The following PPP6C variants were observed in gnomAD, a reference collection of about 807,000 sequenced individuals.
The protein encoded by PPP6C is protein phosphatase 6 catalytic subunit, also known as serine/threonine-protein phosphatase 6 catalytic subunit.
In PPP6C, 11 loss-of-function variants were observed where a neutral mutation model predicts 39.8. That is an observed-to-expected ratio of 0.28 (90% CI 0.17 to 0.46). The LOEUF is 0.46. Among genes scored for constraint, PPP6C ranks in the 20% least tolerant of loss-of-function variants. PPP6C has a pLI of 1.00. For synonymous variants in PPP6C, 129 were observed against 130.3 expected (o/e 0.99, Z 0.07); for missense variants, 211 against 373.9 (o/e 0.56, Z 3.59).
intron 1 of PPP6C, among the ~76,000 whole-genome samples, chr9:125,173,493 G>T (rs1032314187): frequency 6.6e-6 from 1 of 150,518 alleles, no homozygotes; most frequent in African/African-American, 2.4e-5. Flanking sequence ...CAAGAGAATC[G>T]CTTGAACCCA....
chr9:125,167,208 C>T (rs1490759105), intron 2 of PPP6C, among the ~76,000 whole-genome samples: 1 of 151,040 alleles, frequency 6.6e-6, no homozygotes, highest in African/African-American at 2.4e-5. Flanking sequence ...GGGCAAAATC[C>T]CATCCCTACT....
chr9:125,188,417 C>T (rs994577659), intron 1 of PPP6C, among the ~76,000 whole-genome samples: 3 of 151,734 alleles, frequency 2.0e-5, no homozygotes, highest in African/African-American at 7.3e-5. Flanking sequence ...CGGTTAAATA[C>T]TAGCACGAGC....
intron 6 of PPP6C, chr9:125,150,706 C>T: frequency 2.3e-6 from 2 of 866,700 alleles, no homozygotes; most frequent in Admixed American, 1.9e-5. Flanking sequence ...CAGAAAACTG[C>T]CGATCGCCTG....
intron 6 of PPP6C, among the ~76,000 whole-genome samples, chr9:125,150,251 T>C (rs188607524): frequency 2.6e-4 from 39 of 152,348 alleles, no homozygotes; most frequent in African/African-American, 8.9e-4. Context: ...ACTGAAGGTT[T>C]AGTATATGTA....
At chr9:125,171,470 CACACACACATAT>C (rs1301513079) in intron 1 of PPP6C, among the ~76,000 whole-genome samples, 29 of 24,696 alleles carry the variant, frequency 1.2e-3, no homozygotes, top group African/African-American at 3.8e-3. Flanking sequence ...TACACACACA[CACACACACATAT>C]ATATATATAT....
intron 1 of PPP6C, among the ~76,000 whole-genome samples, chr9:125,174,727 T>C (rs56331343): frequency 6.6e-6 from 1 of 151,570 alleles, no homozygotes. Flanking sequence ...CTAGCCAACA[T>C]AGCAAAACCC....
intron 3 of PPP6C, among the ~76,000 whole-genome samples, chr9:125,159,333 G>A (rs183746609): frequency 1.3e-5 from 2 of 151,110 alleles, no homozygotes; most frequent in African/African-American, 4.9e-5. Context: ...ACAGGCGTGA[G>A]CCACTGCGCC....
intron 1 of PPP6C, among the ~76,000 whole-genome samples, chr9:125,185,132 C>T (rs2131345015): frequency 6.6e-6 from 1 of 152,106 alleles, no homozygotes; most frequent in Middle Eastern, 3.4e-3. Context: ...TCCATTTAGC[C>T]AGGTATGGAA....
intron 1 of PPP6C, among the ~76,000 whole-genome samples, chr9:125,177,346 C>G (rs1439585168): frequency 6.6e-6 from 1 of 151,404 alleles, no homozygotes; most frequent in African/African-American, 2.4e-5. Context: ...TGCACTCCAG[C>G]CTGGGGTGAC....
chr9:125,188,566 A>G (rs368357866), intron 1 of PPP6C, among the ~76,000 whole-genome samples: 1 of 151,974 alleles, frequency 6.6e-6, no homozygotes. Flanking sequence ...CGGGCGGATC[A>G]CTTGAGGTCA....
At chr9:125,176,102 AG>A (rs1376367719) in intron 1 of PPP6C, among the ~76,000 whole-genome samples, 1 of 152,150 alleles carries the variant, frequency 6.6e-6, no homozygotes, top group East Asian at 1.9e-4. Context: ...ACTCTAAAGG[AG>A]GTAAGGCTAT....
intron 5 of PPP6C, 40 bp downstream of exon 5, chr9:125,153,866 T>C (rs1424579849): frequency 6.5e-7 from 1 of 1,546,730 alleles, no homozygotes; most frequent in Non-Finnish European, 8.9e-7. Context: ...AATGTGTTAT[T>C]GGCAGGAACG....
At chr9:125,180,793 A>T (rs1829404981) in intron 1 of PPP6C, among the ~76,000 whole-genome samples, 1 of 152,116 alleles carries the variant, frequency 6.6e-6, no homozygotes, top group Admixed American at 6.6e-5. Flanking sequence ...AGGCCTCCTA[A>T]ACTTGAAGTC....
At chr9:125,160,563 C>T (rs1019779327) in intron 3 of PPP6C, among the ~76,000 whole-genome samples, 1 of 152,140 alleles carries the variant, frequency 6.6e-6, no homozygotes, top group African/African-American at 2.4e-5. Context: ...CTTTGCCTGC[C>T]GCCATCCACA....
chr9:125,155,855 AGATCGCAC>A (rs1013840957), intron 4 of PPP6C, among the ~76,000 whole-genome samples: 1 of 151,286 alleles, frequency 6.6e-6, no homozygotes, highest in African/African-American at 2.4e-5. Flanking sequence ...CAGTGAGCGA[AGATCGCAC>A]CACTGCACTC....
At chr9:125,159,867 C>G (rs924034965) in intron 3 of PPP6C, among the ~76,000 whole-genome samples, 2 of 152,010 alleles carry the variant, frequency 1.3e-5, no homozygotes, top group Non-Finnish European at 2.9e-5. Context: ...ACTAAAAATA[C>G]AAAAATTAGC....
chr9:125,149,596 T>A lies in PPP6C; in HGVS notation c.*77A>T, dbSNP rs527353206. ...CAGCAGCAAAGTGCTCAATAAAAAG[T>A]ATATTGTAGAGGGTAATACAAGAAA... On this transcript the variant is annotated 3_prime_UTR_variant, in exon 7 of 7. Coordinates refer to ENST00000373547, the MANE Select transcript of PPP6C (RefSeq NM_002721.5). The A allele has an allele frequency of 1.4e-6, 2 of 1,459,982 alleles. No individual in the cohort carries two copies. The highest frequency in any genetic ancestry group is 4.6e-5 in the East Asian group (2 of 43,318). 90.4% of individuals were successfully genotyped at this position (1,459,982 alleles called of 1,614,324 possible). A position where few individuals can be genotyped will look rare whatever the true frequency, so the allele number is the denominator to read the frequency against.
At position 125,177,736 on chromosome 9, in the gene PPP6C, A is replaced by G. The variant is rs138722371; in HGVS notation, c.76-6556T>C. Among the ~76,000 whole-genome samples, 65 of 152,244 alleles carry G rather than the reference A, an allele frequency of 4.3e-4. No individual in the cohort carries two copies. In the East Asian group the frequency reaches 6.2e-3, roughly 14 times the overall value. Reference sequence around the variant, plus strand: ...TAGGGTCACTCCTACTGCACATTCTATAAGTTTTGACAATTGTATAATGAC... The same window carrying G: ...TAGGGTCACTCCTACTGCACATTCTGTAAGTTTTGACAATTGTATAATGAC... On this transcript the variant is annotated intron_variant, in intron 1 of 6. Transcript: ENST00000373547.
intron 2 of PPP6C, among the ~76,000 whole-genome samples, chr9:125,165,576 C>T (rs1426995333): frequency 6.6e-6 from 1 of 151,910 alleles, no homozygotes; most frequent in Non-Finnish European, 1.5e-5. Context: ...TAGAACTTGC[C>T]TCTGCACTCA....
Sources: gnomAD v4.1 joint callset for allele counts (sites outside exome capture counted in the v4.1 genomes callset) on GRCh38, gnomAD v4.1.1 for gene constraint, MANE v1.5 for transcripts, NCBI Gene and HGNC (gene_info 2026-07-23, HGNC 2026-07-21) for gene names.